The following CACNA1S variants were observed in gnomAD, a reference collection of about 807,000 sequenced individuals.
CACNA1S encodes the protein voltage-dependent L-type calcium channel subunit alpha-1S.
In CACNA1S, 126 loss-of-function variants were observed where a neutral mutation model predicts 207.4. The ratio of observed to expected loss-of-function variants is 0.61; its 90% CI spans 0.53 to 0.70. The LOEUF (loss-of-function observed/expected upper bound fraction) is 0.70. Ranked by LOEUF, CACNA1S falls within the 30% of genes least tolerant of loss-of-function variation. The pLI, the probability that CACNA1S is intolerant of heterozygous loss-of-function variation, is 0.00. For synonymous variants in CACNA1S, 960 were observed against 932.7 expected, an observed-to-expected ratio of 1.03 and a Z score of -0.53; for missense variants, 2,349 against 2,422.8, an observed-to-expected ratio of 0.97 and a Z score of 0.64.
intron 13 of CACNA1S, 79 bp from the exon 14 acceptor site, chr1:201,074,699 T>A: frequency 1.1e-6 from 1 of 881,332 alleles, no homozygotes; most frequent in Non-Finnish European, 1.8e-6. Flanking sequence ...TGCCTGCATG[T>A]GGGCAGGACC....
At chr1:201,046,291 C>G (rs1343744093) in intron 38 of CACNA1S, among the ~76,000 whole-genome samples, 1 of 152,096 alleles carries the variant, frequency 6.6e-6, no homozygotes, top group Admixed American at 6.5e-5. Flanking sequence ...CAGTGATGCT[C>G]CCGCCTCAAC....
At position 201,050,471 on chromosome 1, in the gene CACNA1S, G is replaced by A; in HGVS notation, c.4159C>T (p.Leu1387Phe). The A allele has an allele frequency of 1.9e-6, 3 of 1,614,092 alleles. No individual in the cohort carries two copies. Among genetic ancestry groups the A allele is most frequent in the Non-Finnish European group, 2.5e-6 (3 of 1,179,992 alleles). Residue 1387 changes from leucine (L) to phenylalanine (F), a missense_variant, in exon 34 of 44, where the codon CTC becomes TTC. Coordinates refer to ENST00000362061, the MANE Select transcript of CACNA1S (RefSeq NM_000069.3). ...VAVIMDNFDY[L>F]TRDWSILGPH... ...CCCAGGATGGACCAGTCCCGGGTGA[G>A]GTAGTCAAAATTGTCCATGATGACA...
chr1:201,054,645 A>G (rs1660773215), intron 28 of CACNA1S, 84 bp from the exon 29 acceptor site: 3 of 1,123,084 alleles, frequency 2.7e-6, no homozygotes, highest in Admixed American at 2.0e-5. Context: ...GAGACGTGTC[A>G]GAAAGGACAG....
At position 201,047,770 on chromosome 1, in the gene CACNA1S, C is replaced by T. The variant is rs1572023584; in HGVS notation, c.4442-144G>A. 8 of 711,784 alleles carry T rather than the reference C, an allele frequency of 1.1e-5. No homozygotes were observed. In the East Asian group the frequency reaches 2.1e-4, roughly 19 times the overall value. 44.1% of individuals were successfully genotyped at this position (711,784 alleles called of 1,614,324 possible). On this transcript the variant is annotated intron_variant, in intron 36 of 43. Coordinates refer to ENST00000362061, the MANE Select transcript of CACNA1S (RefSeq NM_000069.3). ...TTTGTGGCAGCTGCCTTGCTGGGTA[C>T]TGGCAATGGTGGGAGGGCATCACTG...
In CACNA1S at chr1:201,066,122, G is replaced by T; in HGVS notation, c.2745+107C>A. The T allele has an allele frequency of 8.8e-7, 1 of 1,142,318 alleles. No homozygotes were observed. Among genetic ancestry groups the T allele is most frequent in the Non-Finnish European group, 1.3e-6 (1 of 759,286 alleles). 70.8% of individuals were successfully genotyped at this position (1,142,318 alleles called of 1,614,324 possible). On this transcript the variant is annotated intron_variant, in intron 21 of 43. Transcript: ENST00000362061. The surrounding 1 kb of genome is among the most constrained non-coding windows in gnomAD (Gnocchi z 4.3). ...ATCCTTACCCCTATCTGCCCAGGGA[G>T]ATGGGACAGGGGTCCCAGCCATGGC...
At chr1:201,065,701 TCAAAATAAAA>T in intron 22 of CACNA1S, 127 bp downstream of exon 22, 5 of 702,366 alleles carry the variant, frequency 7.1e-6, no homozygotes, top group Admixed American at 4.1e-5. Flanking sequence ...GACCTATTTT[TCAAAATAAAA>T]TATTCTCATA....
chr1:201,089,950 G>T (rs1041706434), intron 5 of CACNA1S, among the ~76,000 whole-genome samples: 12 of 152,212 alleles, frequency 7.9e-5, no homozygotes, highest in African/African-American at 2.9e-4. Context: ...CTCAGGGGAA[G>T]TTCCCACCAG....
intron 35 of CACNA1S, 107 bp downstream of exon 35, chr1:201,048,896 G>T: frequency 1.0e-6 from 1 of 963,450 alleles, no homozygotes; most frequent in Admixed American, 2.0e-5. Context: ...GGACCCAGGA[G>T]ATCCCGGCTC....
chr1:201,105,794 A>C (rs996083455), intron 2 of CACNA1S, among the ~76,000 whole-genome samples: 1 of 152,100 alleles, frequency 6.6e-6, no homozygotes, highest in East Asian at 1.9e-4. Context: ...ACCCTCAGCC[A>C]GTGCTGGCAG....
At position 201,048,114 on chromosome 1, in the gene CACNA1S, G is replaced by A. The variant is rs550441592; in HGVS notation, c.4441+468C>T. 7.2e-5 allele frequency among the ~76,000 whole-genome samples: 11 copies of A among 152,344 alleles called. No individual in the cohort carries two copies. In the South Asian group the frequency reaches 2.1e-3, roughly 29 times the overall value. ...TGGAGACTTGAGCTTGATACAGTGTGAGCCCTGAGCAAGGGCTCAGAGACA... is the reference window on the plus strand; with the variant it reads ...TGGAGACTTGAGCTTGATACAGTGTAAGCCCTGAGCAAGGGCTCAGAGACA... On this transcript the variant is annotated intron_variant, in intron 36 of 43. Coordinates refer to ENST00000362061, the MANE Select transcript of CACNA1S (RefSeq NM_000069.3).
At chr1:201,090,662 G>A (rs574853907) in intron 5 of CACNA1S, among the ~76,000 whole-genome samples, 1 of 152,278 alleles carries the variant, frequency 6.6e-6, no homozygotes, top group South Asian at 2.1e-4. Context: ...CTTTCAGAGT[G>A]TCGGCCTGAC....
chr1:201,049,418 A>AGGG (rs1375777202), intron 34 of CACNA1S, among the ~76,000 whole-genome samples: 1 of 152,194 alleles, frequency 6.6e-6, no homozygotes, highest in Admixed American at 6.5e-5. Flanking sequence ...TCAAGTTAAT[A>AGGG]GGGGCCCTTG....
chr1:201,077,308 T>G (rs1661665758), intron 11 of CACNA1S, among the ~76,000 whole-genome samples, 181 bp from the exon 12 acceptor site: 1 of 152,220 alleles, frequency 6.6e-6, no homozygotes, highest in African/African-American at 2.4e-5. Flanking sequence ...TGCAGAGCAC[T>G]TGTCTGTTTG....
chr1:201,097,589 T>C (rs1274973375), intron 2 of CACNA1S, among the ~76,000 whole-genome samples: 2 of 152,156 alleles, frequency 1.3e-5, no homozygotes, highest in Non-Finnish European at 2.9e-5. Context: ...TGTGCTTCTC[T>C]TTGCTGCCTC....
chr1:201,077,119 G>T lies in CACNA1S; in HGVS notation c.1628C>A (p.Thr543Lys). ...GGATGCCACCAGGTTGCTCAGCGAC[G>T]TCCAATATCTGAAGGAAGAGGAGGC... ...LRIFKITKYW[T>K]SLSNLVASLL... is the part of the protein sequence containing the mutation. The change falls in exon 12 of 44, where the codon ACG becomes AAG. Residue 543 changes from threonine to lysine, a missense_variant. Coordinates refer to ENST00000362061, the MANE Select transcript of CACNA1S (RefSeq NM_000069.3). The T allele has an allele frequency of 6.2e-7, 1 of 1,613,958 alleles. No individual in the cohort carries two copies. Among genetic ancestry groups the T allele is most frequent in the African/African-American group, 1.3e-5 (1 of 75,034 alleles).
In CACNA1S at chr1:201,083,282, A is replaced by G; in HGVS notation, c.1273T>C (p.Cys425Arg). 1 of 1,614,208 alleles carries G rather than the reference A, an allele frequency of 6.2e-7. No homozygotes were observed. The highest frequency in any genetic ancestry group is 8.5e-7 in the Non-Finnish European group (1 of 1,180,036). Reference protein sequence around the residue: ...RQWNRIFRWKCHDIVKSKVFY... With the variant: ...RQWNRIFRWKRHDIVKSKVFY... ...ACCTTGGACTTCACGATGTCATGGC[A>G]CTTCCAGCGAAAGATGCGGTTCCAC... is the stretch of plus-strand genomic sequence containing the variant. The change falls in exon 10 of 44, where the codon TGC (cysteine) becomes CGC (arginine). Residue 425 changes from cysteine to arginine, a missense_variant. Coordinates refer to ENST00000362061, the MANE Select transcript of CACNA1S (RefSeq NM_000069.3).
chr1:201,043,145 C>T (rs1349162216), intron 40 of CACNA1S, 136 bp downstream of exon 40: 2 of 1,165,248 alleles, frequency 1.7e-6, no homozygotes, highest in Admixed American at 1.7e-5. Flanking sequence ...CATTAAGGTT[C>T]AGGATGGATT....
chr1:201,062,076 A>T lies in CACNA1S; in HGVS notation c.2921T>A (p.Val974Glu), dbSNP rs974247677. 6.2e-7 allele frequency: 1 copy of T among 1,613,770 alleles called. No individual in the cohort carries two copies. Among genetic ancestry groups the T allele is most frequent in the Non-Finnish European group, 8.5e-7 (1 of 1,179,926 alleles). The change falls in exon 24 of 44, where the codon GTG (valine) becomes GAG (glutamate). Residue 974 changes from valine to glutamate, a missense_variant. Transcript: ENST00000362061. ...TEEECRGYYYVYKDGDPMQIE... is the reference protein window; with the variant it reads ...TEEECRGYYYEYKDGDPMQIE... ...CTGCATGGGGTCCCCGTCCTTGTAC[A>T]CGTAGTAGTAGCCCCTGTGGCAGGG...
intron 27 of CACNA1S, 39 bp from the exon 28 acceptor site, chr1:201,058,530 T>G: frequency 6.6e-7 from 1 of 1,518,780 alleles, no homozygotes; most frequent in Non-Finnish European, 9.1e-7. Context: ...GGGGTGAGCT[T>G]TGGGAGGAAG....
Sources: allele counts gnomAD v4.1 joint callset (sites outside exome capture counted in the v4.1 genomes callset), GRCh38; gene constraint gnomAD v4.1.1; non-coding constraint Gnocchi (gnomAD v3.1); transcripts MANE v1.5; gene names NCBI Gene and HGNC (gene_info 2026-07-23, HGNC 2026-07-21).